The following AOAH variants were observed in gnomAD, a reference collection of about 807,000 sequenced individuals.
The protein encoded by AOAH is acyloxyacyl hydrolase (neutrophil).
AOAH carries 64 observed loss-of-function variants against 92.2 expected under a neutral mutation model. That is an observed-to-expected ratio of 0.69 (90% CI 0.57 to 0.86). The LOEUF is 0.86. Ranked by LOEUF, AOAH falls within the 40% of genes least tolerant of loss-of-function variation. AOAH has a pLI of 0.00. For synonymous variants in AOAH, 263 were observed against 254.5 expected (o/e 1.03, Z -0.32); for missense variants, 656 against 694.6 (o/e 0.94, Z 0.62).
chr7:36,589,479 G>A (rs982370037), intron 12 of AOAH, among the ~76,000 whole-genome samples: 1 of 152,200 alleles, frequency 6.6e-6, no homozygotes, highest in Non-Finnish European at 1.5e-5. Flanking sequence ...AGGAGTAGGG[G>A]AAGACATAGT....
At chr7:36,624,958 T>C (rs1332294235) in intron 6 of AOAH, among the ~76,000 whole-genome samples, 1 of 152,172 alleles carries the variant, frequency 6.6e-6, no homozygotes, top group East Asian at 1.9e-4. Flanking sequence ...TAGCACTTTT[T>C]AAACTGGTAC....
intron 1 of AOAH, among the ~76,000 whole-genome samples, chr7:36,716,523 C>T (rs1339165896): frequency 2.7e-5 from 4 of 149,222 alleles, no homozygotes; most frequent in Admixed American, 6.6e-5. Context: ...CACATGCACA[C>T]GTATGTTTAT....
intron 12 of AOAH, among the ~76,000 whole-genome samples, chr7:36,589,206 G>T (rs1174889437): frequency 6.6e-6 from 1 of 152,090 alleles, no homozygotes; most frequent in African/African-American, 2.4e-5. Context: ...TTGGGTTCAG[G>T]TGGCTATTTT....
chr7:36,674,575 CCT>C (rs1175299443), intron 2 of AOAH, among the ~76,000 whole-genome samples: 1 of 152,178 alleles, frequency 6.6e-6, no homozygotes, highest in African/African-American at 2.4e-5. Flanking sequence ...CATAATCTCC[CCT>C]GACCTATGAG....
intron 19 of AOAH, among the ~76,000 whole-genome samples, chr7:36,526,806 C>G (rs1043019811): frequency 6.6e-6 from 1 of 152,208 alleles, no homozygotes. Flanking sequence ...TCATCAAACA[C>G]TGTTTGATGA....
chr7:36,544,728 C>T (rs899542859), intron 15 of AOAH, among the ~76,000 whole-genome samples: 3 of 152,148 alleles, frequency 2.0e-5, no homozygotes, highest in Non-Finnish European at 2.9e-5. Context: ...AAGCCTGTCC[C>T]GCCCTAATGA....
At chr7:36,536,668 G>T (rs141272482) in intron 16 of AOAH, among the ~76,000 whole-genome samples, 1 of 152,140 alleles carries the variant, frequency 6.6e-6, no homozygotes, top group Non-Finnish European at 1.5e-5. Context: ...CGCCTTCTCA[G>T]CTGGGAACGG....
intron 15 of AOAH, among the ~76,000 whole-genome samples, chr7:36,545,450 T>C (rs1480504785): frequency 6.6e-6 from 1 of 152,164 alleles, no homozygotes; most frequent in Non-Finnish European, 1.5e-5. Flanking sequence ...GGATTGTTTC[T>C]CACTAGTCCA....
At chr7:36,572,649 C>T in intron 13 of AOAH, among the ~76,000 whole-genome samples, 1 of 152,156 alleles carries the variant, frequency 6.6e-6, no homozygotes, top group East Asian at 1.9e-4. Flanking sequence ...TGATGCTGGA[C>T]ATTTATGAAG....
In AOAH at chr7:36,594,258, C is replaced by G. The variant is rs192293244; in HGVS notation, c.938+81G>C. The stretch of plus-strand genomic sequence containing the variant: ...CAGTTCCTAATAATTCGCATTTCAA[C>G]ATCTTGGTAGCAACCCCCATCTCTT... On this transcript the variant is annotated intron_variant, in intron 12 of 20. Coordinates refer to ENST00000617537, the MANE Select transcript of AOAH (RefSeq NM_001637.4). 342 of 1,128,258 alleles carry G rather than the reference C, an allele frequency of 3.0e-4. No homozygotes were observed. In the African/African-American group the frequency reaches 4.6e-3, roughly 15 times the overall value. 69.9% of individuals were successfully genotyped at this position (1,128,258 alleles called of 1,614,324 possible). A position where few individuals can be genotyped will look rare whatever the true frequency, so the allele number is the denominator to read the frequency against.
intron 1 of AOAH, among the ~76,000 whole-genome samples, chr7:36,709,909 G>T (rs1359973019): frequency 6.6e-6 from 1 of 152,122 alleles, no homozygotes; most frequent in Non-Finnish European, 1.5e-5. Context: ...TGTTCAGTCT[G>T]CAACTTAATC....
chr7:36,555,212 C>T (rs1786610576), intron 13 of AOAH, among the ~76,000 whole-genome samples: 1 of 151,548 alleles, frequency 6.6e-6, no homozygotes, highest in Non-Finnish European at 1.5e-5. Flanking sequence ...TGAATTTTGT[C>T]AAAGGCCTTT....
intron 4 of AOAH, among the ~76,000 whole-genome samples, chr7:36,650,125 C>T (rs1250278995): frequency 3.1e-4 from 2 of 6,392 alleles, no homozygotes; most frequent in African/African-American, 1.7e-3. Flanking sequence ...GGCCCACCAC[C>T]GTCTTGGAAG....
chr7:36,590,504 A>G (rs115869697), intron 12 of AOAH, among the ~76,000 whole-genome samples: 302 of 152,352 alleles, frequency 2.0e-3, no homozygotes, highest in African/African-American at 6.9e-3. Context: ...CATTTAATGC[A>G]TGCACATAAT....
Position 36,513,166 on chromosome 7 carries a change from G to A in AOAH, c.*86C>T, listed in dbSNP as rs61497241. 1,981 of 1,613,592 alleles carry A rather than the reference G, an allele frequency of 1.2e-3. 26 individuals carry two copies. In the African/African-American group the frequency reaches 0.023, roughly 19 times the overall value. ...AAGAAGAGTCCTTTGGGCCTGTGACGTGGCAGCCCCCATAGGGTTTGTGGA... is the reference window on the plus strand; with the variant it reads ...AAGAAGAGTCCTTTGGGCCTGTGACATGGCAGCCCCCATAGGGTTTGTGGA... On this transcript the variant is annotated 3_prime_UTR_variant, in exon 21 of 21. Coordinates refer to ENST00000617537, the MANE Select transcript of AOAH (RefSeq NM_001637.4).
intron 11 of AOAH, among the ~76,000 whole-genome samples, chr7:36,611,532 G>C (rs1022038132): frequency 2.0e-5 from 3 of 152,170 alleles, no homozygotes; most frequent in African/African-American, 7.2e-5. Flanking sequence ...GCCGGCTGCT[G>C]GGCTTGCTGG....
intron 6 of AOAH, 144 bp downstream of exon 6, chr7:36,631,892 T>C: frequency 1.5e-6 from 1 of 651,780 alleles, no homozygotes; most frequent in South Asian, 2.1e-5. Flanking sequence ...TCTTTTGGTT[T>C]CTGTGCAATG....
At chr7:36,713,685 T>C (rs1466473102) in intron 1 of AOAH, among the ~76,000 whole-genome samples, 1 of 151,946 alleles carries the variant, frequency 6.6e-6, no homozygotes. Flanking sequence ...CACTCAAAAC[T>C]GCTCAAACAT....
intron 1 of AOAH, among the ~76,000 whole-genome samples, chr7:36,713,702 T>C (rs969473967): frequency 1.3e-5 from 2 of 152,180 alleles, no homozygotes; most frequent in African/African-American, 4.8e-5. Context: ...ACATGGAAAC[T>C]GAACAACCTG....
Sources: gnomAD v4.1 joint callset for allele counts (sites outside exome capture counted in the v4.1 genomes callset) on GRCh38, gnomAD v4.1.1 for gene constraint, MANE v1.5 for transcripts, NCBI Gene and HGNC (gene_info 2026-07-23, HGNC 2026-07-21) for gene names.